The following ESCO1 variants were observed in gnomAD, a reference collection of about 807,000 sequenced individuals.
ESCO1 encodes the protein N-acetyltransferase ESCO1.
ESCO1 carries 33 observed loss-of-function variants against 83.5 expected under a neutral mutation model. The observed-to-expected ratio is 0.40, with a 90% CI of 0.30 to 0.53. ESCO1 has a LOEUF of 0.53. Among genes scored for constraint, ESCO1 ranks in the 20% least tolerant of loss-of-function variants. The probability of loss-of-function intolerance (pLI) is 0.63; values close to 1 mark genes in which losing one functional copy is unlikely to be tolerated. For missense variants in ESCO1, 855 were observed against 968.0 expected (o/e 0.88, Z 1.55); for synonymous variants, 332 against 324.3 (o/e 1.02, Z -0.25).
intron 2 of ESCO1, 27 bp downstream of exon 2, chr18:21,584,283 T>C (rs373397266): frequency 7.2e-5 from 11 of 152,156 alleles, no homozygotes; most frequent in African/African-American, 2.7e-4. Flanking sequence ...TGGAAGATAC[T>C]AAATCATAAA....
At chr18:21,559,781 T>G (rs182713774) in intron 8 of ESCO1, among the ~76,000 whole-genome samples, 1 of 152,232 alleles carries the variant, frequency 6.6e-6, no homozygotes, top group African/African-American at 2.4e-5. Flanking sequence ...AGATATTCTA[T>G]GTCCACGCAC....
intron 1 of ESCO1, among the ~76,000 whole-genome samples, chr18:21,585,606 G>A (rs140567211): frequency 1.3e-5 from 2 of 152,030 alleles, no homozygotes; most frequent in South Asian, 2.1e-4. Context: ...GATGAAGTGT[G>A]AGCCCAAAAC....
chr18:21,584,965 C>A (rs538100715), intron 1 of ESCO1, among the ~76,000 whole-genome samples: 2 of 151,966 alleles, frequency 1.3e-5, no homozygotes, highest in South Asian at 2.1e-4. Context: ...GATGGTGAAG[C>A]CCCGTCTCTA....
intron 5 of ESCO1, among the ~76,000 whole-genome samples, chr18:21,566,816 C>T (rs1023030149): frequency 2.7e-5 from 4 of 150,252 alleles, no homozygotes; most frequent in African/African-American, 9.8e-5. Context: ...GCTGAGATCG[C>T]GCCACTGCAC....
intron 1 of ESCO1, among the ~76,000 whole-genome samples, chr18:21,598,605 G>C (rs2038797559): frequency 6.6e-6 from 1 of 152,282 alleles, no homozygotes; most frequent in South Asian, 2.1e-4. Context: ...GGGAGGCCGA[G>C]GCAGGAGAAT....
intron 1 of ESCO1, among the ~76,000 whole-genome samples, chr18:21,599,853 T>G (rs2038817141): frequency 6.6e-6 from 1 of 152,166 alleles, no homozygotes; most frequent in African/African-American, 2.4e-5. Context: ...ATTCTGCCTG[T>G]GCAAAATAAA....
chr18:21,530,271 TC>T lies in ESCO1; in HGVS notation c.*71del. ...TCATTGTAATAAAAATGGCCCTAGTTCCTGGTTAAAGTCAGCAACCAATCCA... is the reference window on the plus strand; with the variant it reads ...TCATTGTAATAAAAATGGCCCTAGTTCTGGTTAAAGTCAGCAACCAATCCA... On this transcript the variant is annotated 3_prime_UTR_variant, in exon 12 of 12. Transcript: ENST00000269214. 1 of 1,347,658 alleles carries T rather than the reference TC, an allele frequency of 7.4e-7. No individual in the cohort carries two copies. The highest frequency in any genetic ancestry group is 9.7e-7 in the Non-Finnish European group (1 of 1,026,386). 83.5% of individuals were successfully genotyped at this position (1,347,658 alleles called of 1,614,324 possible).
intron 1 of ESCO1, among the ~76,000 whole-genome samples, chr18:21,594,097 C>A (rs1263804219): frequency 6.6e-6 from 1 of 152,214 alleles, no homozygotes; most frequent in Non-Finnish European, 1.5e-5. Flanking sequence ...AACCCTTCCC[C>A]TAGTCCTCAC....
intron 2 of ESCO1, among the ~76,000 whole-genome samples, chr18:21,582,820 C>G (rs568403272): frequency 2.6e-5 from 4 of 152,178 alleles, no homozygotes; most frequent in Admixed American, 2.0e-4. Context: ...GTGTCAGGTA[C>G]CTTACATTAC....
In ESCO1 at chr18:21,529,550, CTT is replaced by C. The variant is rs1200058516; in HGVS notation, c.*791_*792del. On this transcript the variant is annotated 3_prime_UTR_variant, in exon 12 of 12. Transcript: ENST00000269214. Reference sequence around the variant, plus strand: ...GTATTCTATACGTTTTTATAAACCTCTTTGAGATTTGTTAACAGCCTAGGTGT... The same window carrying C: ...GTATTCTATACGTTTTTATAAACCTCTGAGATTTGTTAACAGCCTAGGTGT... 1 of 152,134 alleles carries C rather than the reference CTT, an allele frequency of 6.6e-6. No individual in the cohort carries two copies. The allele number at this position is 152,134 out of a possible 1,614,324, so 9.4% of individuals were successfully genotyped here. A position where few individuals can be genotyped will look rare whatever the true frequency, so the allele number is the denominator to read the frequency against.
At chr18:21,547,822 G>A (rs867867414) in intron 8 of ESCO1, among the ~76,000 whole-genome samples, 12 of 152,092 alleles carry the variant, frequency 7.9e-5, no homozygotes, top group African/African-American at 1.4e-4. Context: ...GAGTATTTCC[G>A]GCCAGGCGCA....
chr18:21,551,527 T>C (rs2038047889), intron 8 of ESCO1, among the ~76,000 whole-genome samples: 1 of 152,234 alleles, frequency 6.6e-6, no homozygotes, highest in African/African-American at 2.4e-5. Flanking sequence ...TAGCCATTTT[T>C]AACCATAAGA....
Position 21,567,803 on chromosome 18 carries a change from A to G in ESCO1, c.1645+177T>C, listed in dbSNP as rs573046264. 6.6e-5 allele frequency among the ~76,000 whole-genome samples: 10 copies of G among 152,318 alleles called. No homozygotes were observed. In the East Asian group the frequency reaches 1.9e-3, roughly 29 times the overall value. ...AGTACTTAGGTACTTTAAACAAACC[A>G]ATCAACAGAAGTAATTCTGAAAGCA... is the stretch of plus-strand genomic sequence containing the variant. On this transcript the variant is annotated intron_variant, in intron 5 of 11. Transcript: ENST00000269214.
intron 2 of ESCO1, 23 bp from the exon 3 acceptor site, chr18:21,575,800 T>A (rs1015347262): frequency 2.0e-5 from 8 of 397,672 alleles, no homozygotes; most frequent in African/African-American, 1.2e-4. Flanking sequence ...GGGTTTTTTT[T>A]AATGTTCAAA....
At chr18:21,569,143 T>G (rs1386453013) in intron 4 of ESCO1, among the ~76,000 whole-genome samples, 1 of 152,204 alleles carries the variant, frequency 6.6e-6, no homozygotes, top group Non-Finnish European at 1.5e-5. Context: ...TGTCTAAATC[T>G]CTTTCGTGTG....
At chr18:21,562,319 T>C (rs891231283) in intron 7 of ESCO1, among the ~76,000 whole-genome samples, 1 of 151,868 alleles carries the variant, frequency 6.6e-6, no homozygotes, top group African/African-American at 2.4e-5. Flanking sequence ...CTACTAAAAA[T>C]ACAACAAATA....
intron 1 of ESCO1, among the ~76,000 whole-genome samples, chr18:21,590,225 T>C (rs2038644960): frequency 6.6e-6 from 1 of 150,928 alleles, no homozygotes. Context: ...GAACCCTTTT[T>C]CTTTTTTTTT....
intron 4 of ESCO1, among the ~76,000 whole-genome samples, chr18:21,569,059 C>T (rs1174012220): frequency 6.6e-6 from 1 of 152,188 alleles, no homozygotes; most frequent in Non-Finnish European, 1.5e-5. Flanking sequence ...ACCTTTCCCC[C>T]TATATAAATT....
chr18:21,531,808 G>A (rs761248996), intron 11 of ESCO1, among the ~76,000 whole-genome samples: 3 of 136,126 alleles, frequency 2.2e-5, no homozygotes, highest in East Asian at 2.4e-4. Flanking sequence ...TGGGAGAATC[G>A]TTTGAACCTG....
Sources: gnomAD v4.1 joint callset for allele counts (sites outside exome capture counted in the v4.1 genomes callset) on GRCh38, gnomAD v4.1.1 for gene constraint, MANE v1.5 for transcripts, NCBI Gene and HGNC (gene_info 2026-07-23, HGNC 2026-07-21) for gene names.